LINGO2: variants seen among roughly 807,000 people sequenced by gnomAD.
LINGO2 encodes the protein leucine-rich repeat and immunoglobulin-like domain-containing nogo receptor-interacting protein 2.
Under a neutral mutation model 30.6 loss-of-function variants are expected in LINGO2, and 14 were observed. That is an observed-to-expected ratio of 0.46 (90% confidence interval 0.30 to 0.72). The LOEUF (loss-of-function observed/expected upper bound fraction) is 0.72, where lower values mean the gene tolerates loss of function less well. Ranked by LOEUF, LINGO2 falls within the 30% of genes least tolerant of loss-of-function variation. The probability of loss-of-function intolerance (pLI) is 0.07; values close to 1 mark genes in which losing one functional copy is unlikely to be tolerated. For missense variants in LINGO2, 729 were observed against 751.7 expected, an observed-to-expected ratio of 0.97 and a Z score of 0.35; for synonymous variants, 317 against 288.5, an observed-to-expected ratio of 1.10 and a Z score of -1.00.
the LINGO2 span, among the ~76,000 whole-genome samples, chr9:28,891,506 T>G: frequency 2.0e-5 from 3 of 151,884 alleles, no homozygotes; most frequent in Admixed American, 1.3e-4. Context: ...TTAGTCATAT[T>G]AACACCTAAC....
chr9:29,048,601 T>C, the LINGO2 span, among the ~76,000 whole-genome samples: 1 of 152,094 alleles, frequency 6.6e-6, no homozygotes. Flanking sequence ...CAAAACAGCA[T>C]GTTACTGACA....
chr9:28,911,585 CAAT>C, the LINGO2 span, among the ~76,000 whole-genome samples: 1 of 151,968 alleles, frequency 6.6e-6, no homozygotes, highest in South Asian at 2.1e-4. Context: ...CATCAAACAG[CAAT>C]AATATGAAAG....
At chr9:29,194,604 A>G in the LINGO2 span, among the ~76,000 whole-genome samples, 1 of 152,278 alleles carries the variant, frequency 6.6e-6, no homozygotes, top group African/African-American at 2.4e-5. Context: ...CCAAATTCCA[A>G]GGAATAAAGG....
At chr9:28,564,234 T>C (rs193233224) in intron 1 of LINGO2, among the ~76,000 whole-genome samples, 49 of 152,256 alleles carry the variant, frequency 3.2e-4, no homozygotes, top group East Asian at 1.3e-3. Flanking sequence ...TATGATTATA[T>C]TATTGAAGCA....
At chr9:28,722,306 GT>G in the LINGO2 span, among the ~76,000 whole-genome samples, 25 of 152,170 alleles carry the variant, frequency 1.6e-4, no homozygotes, top group African/African-American at 5.5e-4. Context: ...CTGAAAACAG[GT>G]TTTTTGGGCT....
At chr9:28,734,790 A>G in the LINGO2 span, among the ~76,000 whole-genome samples, 4 of 152,182 alleles carry the variant, frequency 2.6e-5, no homozygotes, top group Non-Finnish European at 4.4e-5. Flanking sequence ...TCCTTTTCCC[A>G]GTAAGTCCCA....
At chr9:28,597,018 C>G (rs992310450) in intron 1 of LINGO2, among the ~76,000 whole-genome samples, 3 of 152,118 alleles carry the variant, frequency 2.0e-5, no homozygotes, top group Admixed American at 1.3e-4. Context: ...AGGTATCTAT[C>G]AATTCTTTAT....
chr9:28,836,813 T>A, the LINGO2 span, among the ~76,000 whole-genome samples: 27 of 152,308 alleles, frequency 1.8e-4, no homozygotes, highest in African/African-American at 6.5e-4. Flanking sequence ...ATCATTATTT[T>A]AGAATATAAT....
chr9:28,495,679 G>C (rs1819585849), intron 1 of LINGO2, among the ~76,000 whole-genome samples: 1 of 152,110 alleles, frequency 6.6e-6, no homozygotes, highest in African/African-American at 2.4e-5. Context: ...TCTGATCTTA[G>C]TTATTTCTTG....
chr9:29,004,810 C>G, the LINGO2 span, among the ~76,000 whole-genome samples: 25 of 151,956 alleles, frequency 1.6e-4, no homozygotes, highest in African/African-American at 4.1e-4. Context: ...GATTAAAACT[C>G]TTGACGTAAG....
At chr9:28,981,483 G>A in the LINGO2 span, among the ~76,000 whole-genome samples, 26,808 of 151,942 alleles carry the variant, frequency 0.18, 2,455 homozygotes, top group African/African-American at 0.22. Context: ...CTGACTCTCT[G>A]CTGTTATGGT....
Position 28,296,848 on chromosome 9 carries a change from T to C in LINGO2, c.-245-1482A>G, listed in dbSNP as rs1564103392. Among the ~76,000 whole-genome samples the C allele has an allele frequency of 2.6e-5, 4 of 152,206 alleles. No homozygotes were observed. In the South Asian group the frequency reaches 6.2e-4, roughly 24 times the overall value. On this transcript the variant is annotated intron_variant, in intron 3 of 5. Coordinates refer to ENST00000379992, the Ensembl canonical transcript of LINGO2. The stretch of plus-strand genomic sequence containing the variant: ...TTATTGATCCAAGTTGTGGTACTTA[T>C]TAACCTATAACCTCAGTCAACTTCT...
the LINGO2 span, among the ~76,000 whole-genome samples, chr9:28,822,992 C>G: frequency 6.6e-6 from 1 of 152,048 alleles, no homozygotes; most frequent in African/African-American, 2.4e-5. Flanking sequence ...TTAAATAAAC[C>G]TGTTACTATA....
At chr9:28,983,946 T>A in the LINGO2 span, among the ~76,000 whole-genome samples, 1 of 152,068 alleles carries the variant, frequency 6.6e-6, no homozygotes, top group Non-Finnish European at 1.5e-5. Flanking sequence ...GGCTTTACAA[T>A]GTCAGTCAAC....
the LINGO2 span, among the ~76,000 whole-genome samples, chr9:28,969,321 A>C: frequency 6.6e-6 from 1 of 152,182 alleles, no homozygotes; most frequent in African/African-American, 2.4e-5. Context: ...CTGAGGAAAA[A>C]AAATCCAAGC....
At chr9:28,910,653 G>C in the LINGO2 span, among the ~76,000 whole-genome samples, 2 of 152,140 alleles carry the variant, frequency 1.3e-5, no homozygotes, top group Admixed American at 6.6e-5. Flanking sequence ...GCCATGTGAA[G>C]ATGTGCTTGC....
intron 4 of LINGO2, among the ~76,000 whole-genome samples, chr9:28,083,711 C>A (rs1825834595): frequency 6.6e-6 from 1 of 152,124 alleles, no homozygotes; most frequent in Non-Finnish European, 1.5e-5. Flanking sequence ...GTTACCGATG[C>A]CACATTAAGG....
At chr9:29,109,094 C>G in the LINGO2 span, among the ~76,000 whole-genome samples, 4 of 151,858 alleles carry the variant, frequency 2.6e-5, no homozygotes, top group Non-Finnish European at 5.9e-5. Flanking sequence ...TCAGTGTAGA[C>G]TGAGTTTACA....
chr9:28,705,039 C>T, the LINGO2 span, among the ~76,000 whole-genome samples: 1 of 152,022 alleles, frequency 6.6e-6, no homozygotes, highest in Non-Finnish European at 1.5e-5. Context: ...ACCTCAGCCT[C>T]CTGTATCTGG....
Sources: allele counts gnomAD v4.1 joint callset (sites outside exome capture counted in the v4.1 genomes callset), GRCh38; gene constraint gnomAD v4.1.1; transcripts MANE v1.5; gene names NCBI Gene and HGNC (gene_info 2026-07-23, HGNC 2026-07-21).